The following AGA variants were observed in gnomAD, a reference collection of about 807,000 sequenced individuals.
AGA encodes the protein aspartylglucosaminidase.
A neutral mutation model predicts 40.1 loss-of-function variants in AGA; 31 were observed. That is an observed-to-expected ratio of 0.77 (90% CI 0.58 to 1.04). The LOEUF (loss-of-function observed/expected upper bound fraction) is 1.04, where lower values mean the gene tolerates loss of function less well. AGA is among the 50% of genes least tolerant of loss of function. The probability of loss-of-function intolerance (pLI) is 0.00; values close to 1 mark genes in which losing one functional copy is unlikely to be tolerated. For missense variants in AGA, 445 were observed against 435.4 expected (o/e 1.02, Z -0.20); for synonymous variants, 148 against 144.0 (o/e 1.03, Z -0.20).
chr4:177,438,690 G>A (rs1436055114), intron 4 of AGA, 55 bp downstream of exon 4: 12 of 1,187,440 alleles, frequency 1.0e-5, no homozygotes, highest in Non-Finnish European at 1.5e-5. Flanking sequence ...GAGCAGAAAG[G>A]ATGTCACTGA....
intron 8 of AGA, among the ~76,000 whole-genome samples, chr4:177,432,600 A>C (rs1238245672): frequency 6.6e-6 from 1 of 152,200 alleles, no homozygotes. Context: ...AGTCCAACCT[A>C]ATAAGTCATA....
At chr4:177,439,429 A>C (rs936812977) in intron 3 of AGA, 147 bp downstream of exon 3, 2 of 716,554 alleles carry the variant, frequency 2.8e-6, no homozygotes, top group African/African-American at 3.5e-5. Context: ...AAAGAGATTT[A>C]AAAGTTACTT....
intron 1 of AGA, among the ~76,000 whole-genome samples, chr4:177,441,998 T>A (rs1375215876): frequency 6.6e-6 from 1 of 152,078 alleles, no homozygotes; most frequent in South Asian, 2.1e-4. Context: ...GAAAATACAT[T>A]GCGCTGGGGG....
At chr4:177,437,593 C>A in intron 4 of AGA, 74 bp from the exon 5 acceptor site, 1 of 1,034,502 alleles carries the variant, frequency 9.7e-7, no homozygotes. Flanking sequence ...TGTACAATCG[C>A]TAAACACTAG....
At chr4:177,440,576 A>G in intron 1 of AGA, 150 bp from the exon 2 acceptor site, 1 of 867,938 alleles carries the variant, frequency 1.2e-6, no homozygotes, top group Non-Finnish European at 1.7e-6. Context: ...GTTACAAAGG[A>G]GTCAGTGAAG....
Position 177,438,525 on chromosome 4 carries a change from T to C in AGA, c.507+220A>G, listed in dbSNP as rs2271100. Among the ~76,000 whole-genome samples the C allele has an allele frequency of 0.19, 29,174 of 152,132 alleles. 3,087 individuals carry two copies. The highest frequency in any genetic ancestry group is 0.24 in the Middle Eastern group (72 of 294). ...GGCAGAAACTTCAGTTTGAAAACTA[T>C]TGTGAGAGACCAGTAGCTCTCCATG... On this transcript the variant is annotated intron_variant, in intron 4 of 8. Transcript: ENST00000264595.
At chr4:177,441,429 T>C (rs1737005369) in intron 1 of AGA, among the ~76,000 whole-genome samples, 2 of 152,240 alleles carry the variant, frequency 1.3e-5, no homozygotes, top group Admixed American at 1.3e-4. Context: ...TTCTGGTCAT[T>C]AAGCAAATGA....
At position 177,431,660 on chromosome 4, in the gene AGA, C is replaced by T. The variant is rs752452878; in HGVS notation, c.*48G>A. ...TGATGAGAGTGAGCAGCCTTTTCAG[C>T]CTTTGTTTCTTTCTTCTTTAAATAC... is the stretch of plus-strand genomic sequence containing the variant. On this transcript the variant is annotated 3_prime_UTR_variant, in exon 9 of 9. Coordinates refer to ENST00000264595, the MANE Select transcript of AGA (RefSeq NM_000027.4). 12 of 1,493,262 alleles carry T rather than the reference C, an allele frequency of 8.0e-6. No homozygotes were observed. Among genetic ancestry groups the T allele is most frequent in the Non-Finnish European group, 1.1e-5 (12 of 1,073,340 alleles). 92.5% of individuals were successfully genotyped at this position (1,493,262 alleles called of 1,614,324 possible).
chr4:177,435,851 GCACA>G (rs3067063), intron 6 of AGA, among the ~76,000 whole-genome samples: 134,352 of 148,314 alleles, frequency 0.91, 62,128 homozygotes, highest in Non-Finnish European at 0.99. Context: ...CTGCGTGCAC[GCACA>G]CACACACACA....
intron 6 of AGA, among the ~76,000 whole-genome samples, chr4:177,434,791 T>C (rs1374468766): frequency 6.6e-6 from 1 of 151,922 alleles, no homozygotes; most frequent in Non-Finnish European, 1.5e-5. Context: ...GAGATGCGGG[T>C]CAAAGGACAC....
At position 177,439,608 on chromosome 4, in the gene AGA, T is replaced by C. The variant is rs1282622869; in HGVS notation, c.362A>G (p.His121Arg). Reference sequence around the variant, plus strand: ...TCCTACTAAAAGTGTGTGTGTTGTATGTTCCAGTACTTTCCGTGCCACACC... The same window carrying C: ...TCCTACTAAAAGTGTGTGTGTTGTACGTTCCAGTACTTTCCGTGCCACACC... ...AIGVARKVLE[H>R]TTHTLLVGES... Residue 121 changes from histidine (H) to arginine (R), a missense_variant, in exon 3 of 9, where the codon CAT becomes CGT. Physicochemically the swap from His to Arg is conservative, Grantham distance 29. Transcript: ENST00000264595. The C allele has an allele frequency of 1.9e-6, 3 of 1,613,950 alleles. No homozygotes were observed. In the Admixed American group the frequency reaches 5.0e-5, roughly 27 times the overall value.
At chr4:177,431,928 T>G in intron 8 of AGA, 120 bp from the exon 9 acceptor site, 1 of 816,280 alleles carries the variant, frequency 1.2e-6, no homozygotes, top group Non-Finnish European at 2.1e-6. Context: ...CTAAGCCACA[T>G]GGAAATACAC....
intron 2 of AGA, among the ~76,000 whole-genome samples, 181 bp from the exon 3 acceptor site, chr4:177,439,869 A>G (rs1736939670): frequency 6.6e-6 from 1 of 151,558 alleles, no homozygotes; most frequent in Admixed American, 6.6e-5. Context: ...TAAGGAAAAA[A>G]AATAGAAAAT....
At chr4:177,438,703 A>G (rs1266243020) in intron 4 of AGA, 42 bp downstream of exon 4, 1 of 1,328,412 alleles carries the variant, frequency 7.5e-7, no homozygotes, top group Non-Finnish European at 1.1e-6. Context: ...GTCACTGAAT[A>G]TTTTCAATTA....
Position 177,439,657 on chromosome 4 carries a change from G to T in AGA, c.313C>A (p.Leu105Ile), listed in dbSNP as rs76491548. 16,413 of 1,610,468 alleles carry T rather than the reference G, an allele frequency of 0.01. 124 individuals carry two copies. The highest frequency in any genetic ancestry group is 0.011 in the Non-Finnish European group (13,183 of 1,177,464). The change falls in exon 3 of 9, where the codon CTC (leucine) becomes ATC (isoleucine). Residue 105 changes from leucine to isoleucine, a missense_variant. Physicochemically the swap from Leu to Ile is conservative, Grantham distance 5. Coordinates refer to ENST00000264595, the MANE Select transcript of AGA (RefSeq NM_000027.4). ...TTMDVGAVGDLRRIKNAIGVA... is the reference protein window; with the variant it reads ...TTMDVGAVGDIRRIKNAIGVA... Reference sequence around the variant, plus strand: ...CCAATAGCATTTTTAATTCGTCTGAGATCTCCTACTGCTCCTACATCCATA... The same window carrying T: ...CCAATAGCATTTTTAATTCGTCTGATATCTCCTACTGCTCCTACATCCATA...
intron 4 of AGA, 69 bp from the exon 5 acceptor site, chr4:177,437,588 A>T (rs1736866505): frequency 9.1e-7 from 1 of 1,099,234 alleles, no homozygotes; most frequent in Non-Finnish European, 1.4e-6. Flanking sequence ...AATTATGTAC[A>T]ATCGCTAAAC....
In AGA at chr4:177,440,383, C is replaced by T. The variant is rs750795098; in HGVS notation, c.171G>A (p.Val57=). The change falls in exon 2 of 9, where the codon GTG becomes GTA. Residue 57 remains valine, a synonymous_variant. Coordinates refer to ENST00000264595, the MANE Select transcript of AGA (RefSeq NM_000027.4). ...TCTCACACATGGCACAGCCGCTCTC[C>T]ACTGCATCCAGGGCAGAGCCTCCAG... ...LASGGSALDA[V]ESGCAMCERE... 8.7e-6 allele frequency: 14 copies of T among 1,614,020 alleles called. No homozygotes were observed. In the South Asian group the frequency reaches 1.1e-4, roughly 13 times the overall value.
At chr4:177,437,319 C>T in intron 5 of AGA, 86 bp downstream of exon 5, 1 of 939,198 alleles carries the variant, frequency 1.1e-6, no homozygotes. Context: ...CAATCAAAAT[C>T]AACTTCTGGT....
intron 7 of AGA, 59 bp from the exon 8 acceptor site, chr4:177,433,406 G>A: frequency 6.2e-7 from 1 of 1,604,374 alleles, no homozygotes; most frequent in Non-Finnish European, 8.5e-7. Context: ...TCCAAATTGG[G>A]TTACTTGAAG....
Sources: gnomAD v4.1 joint callset for allele counts (sites outside exome capture counted in the v4.1 genomes callset) on GRCh38, gnomAD v4.1.1 for gene constraint, MANE v1.5 for transcripts, NCBI Gene and HGNC (gene_info 2026-07-23, HGNC 2026-07-21) for gene names.